Variants in CHMP7 observed in about 807,000 individuals in gnomAD.
CHMP7 encodes CHMP family, member 7.
A neutral mutation model predicts 53.7 loss-of-function variants in CHMP7; 15 were observed. The observed-to-expected ratio is 0.28, with a 90% CI of 0.19 to 0.43. The LOEUF (loss-of-function observed/expected upper bound fraction) is 0.43, where lower values mean the gene tolerates loss of function less well. CHMP7 is among the 20% of genes least tolerant of loss of function. CHMP7 has a pLI of 1.00. For synonymous variants in CHMP7, 261 were observed against 228.0 expected, an observed-to-expected ratio of 1.14 and a Z score of -1.30; for missense variants, 527 against 569.4, an observed-to-expected ratio of 0.93 and a Z score of 0.76.
In CHMP7 at chr8:23,260,190, G is replaced by C; in HGVS notation, c.1167G>C (p.Gln389His). 1.2e-6 allele frequency: 2 copies of C among 1,614,144 alleles called. No homozygotes were observed. Among genetic ancestry groups the C allele is most frequent in the Non-Finnish European group, 1.7e-6 (2 of 1,180,018 alleles). The part of the protein sequence containing the change: ...ELEKELDILL[Q>H]DTTKEPLDLP... Reference sequence around the variant, plus strand: ...AGAAGGAATTGGACATCCTCCTTCAGGATACCACCAAAGAACCTTTGGATC... The same window carrying C: ...AGAAGGAATTGGACATCCTCCTTCACGATACCACCAAAGAACCTTTGGATC... The change falls in exon 10 of 11, where the codon CAG (glutamine) becomes CAC (histidine). Residue 389 changes from glutamine to histidine, a missense_variant. Gln to His is a conservative substitution (Grantham distance 24). Coordinates refer to ENST00000397677, the MANE Select transcript of CHMP7 (RefSeq NM_152272.5).
intron 3 of CHMP7, among the ~76,000 whole-genome samples, chr8:23,251,905 C>T (rs555967934): frequency 9.2e-5 from 14 of 152,110 alleles, no homozygotes; most frequent in African/African-American, 2.9e-4. Context: ...ATTGATTTTT[C>T]GGAAATGCAT....
chr8:23,250,851 C>T (rs1255015907), intron 3 of CHMP7, among the ~76,000 whole-genome samples: 1 of 152,162 alleles, frequency 6.6e-6, no homozygotes, highest in Non-Finnish European at 1.5e-5. Context: ...GACTCCAGCC[C>T]ACTCTGCCTC....
intron 1 of CHMP7, 138 bp from the exon 2 acceptor site, chr8:23,246,118 A>G (rs1302767841): frequency 6.7e-6 from 1 of 150,270 alleles, no homozygotes; most frequent in Non-Finnish European, 1.5e-5. Context: ...TGCTCTTTTT[A>G]TTATTTTTTC....
At position 23,258,020 on chromosome 8, in the gene CHMP7, C is replaced by A; in HGVS notation, c.792-13C>A. ...CTGTGGCACAGTAATCTTATCTGTCCCTTTGTTTCCAGGTGTAAAGAAGAA... is the reference window on the plus strand; with the variant it reads ...CTGTGGCACAGTAATCTTATCTGTCACTTTGTTTCCAGGTGTAAAGAAGAA... On this transcript the variant is annotated splice_polypyrimidine_tract_variant and intron_variant, in intron 5 of 10. Transcript: ENST00000397677. 6.2e-7 allele frequency: 1 copy of A among 1,605,382 alleles called. No homozygotes were observed. Among genetic ancestry groups the A allele is most frequent in the Non-Finnish European group, 8.5e-7 (1 of 1,172,890 alleles).
Position 23,258,035 on chromosome 8 carries a change from G to A in CHMP7, c.794G>A (p.Cys265Tyr), listed in dbSNP as rs770597285. 2.5e-6 allele frequency: 4 copies of A among 1,611,720 alleles called. No individual in the cohort carries two copies. The highest frequency in any genetic ancestry group is 2.7e-5 in the African/African-American group (2 of 74,864). ...CTTATCTGTCCCTTTGTTTCCAGGT[G>A]TAAAGAAGAAGCCCGCCGGGCATGC... ...VESLSQEAER[C>Y]KEEARRACRA... Residue 265 changes from cysteine to tyrosine, a missense_variant and splice_region_variant, in exon 6 of 11, where the codon TGT (cysteine) becomes TAT (tyrosine). Physicochemically the swap from Cys to Tyr is radical, Grantham distance 194. Transcript: ENST00000397677.
intron 7 of CHMP7, 136 bp from the exon 8 acceptor site, chr8:23,258,596 C>A: frequency 8.0e-7 from 1 of 1,247,458 alleles, no homozygotes; most frequent in Non-Finnish European, 1.2e-6. Context: ...GGAGGTTTGG[C>A]CTCGGTGGGT....
intron 3 of CHMP7, among the ~76,000 whole-genome samples, chr8:23,252,918 A>G (rs1381998394): frequency 1.3e-5 from 2 of 152,198 alleles, no homozygotes; most frequent in Non-Finnish European, 2.9e-5. Flanking sequence ...CATATCTGGT[A>G]GGGCAGTCAA....
intron 9 of CHMP7, 47 bp from the exon 10 acceptor site, chr8:23,260,097 A>G: frequency 6.5e-7 from 1 of 1,533,956 alleles, no homozygotes. Flanking sequence ...TCATTAATGC[A>G]TTTCTCCCTT....
intron 8 of CHMP7, 95 bp from the exon 9 acceptor site, chr8:23,258,971 C>T: frequency 9.5e-7 from 1 of 1,055,840 alleles, no homozygotes; most frequent in South Asian, 1.3e-5. Flanking sequence ...TCACTTGGGG[C>T]AGGATTGCTT....
At chr8:23,244,845 A>G (rs1801630079) in intron 1 of CHMP7, among the ~76,000 whole-genome samples, 1 of 152,202 alleles carries the variant, frequency 6.6e-6, no homozygotes, top group South Asian at 2.1e-4. Flanking sequence ...CTTATGTAGA[A>G]TTTGTACATA....
At chr8:23,254,541 C>T (rs186640649) in intron 3 of CHMP7, among the ~76,000 whole-genome samples, 11 of 150,574 alleles carry the variant, frequency 7.3e-5, no homozygotes, top group African/African-American at 2.4e-4. Context: ...ATTACAGGTG[C>T]CCGCCATCAC....
intron 3 of CHMP7, 164 bp from the exon 4 acceptor site, chr8:23,255,081 AAC>A: frequency 2.9e-6 from 2 of 678,476 alleles, no homozygotes; most frequent in Non-Finnish European, 5.0e-6. Flanking sequence ...AAGGCTTAAA[AAC>A]ACAGATCCTT....
At position 23,261,435 on chromosome 8, in the gene CHMP7, A is replaced by T. The variant is rs774404592; in HGVS notation, c.*836A>T. 6.5e-6 allele frequency: 1 copy of T among 152,738 alleles called. No homozygotes were observed. Among genetic ancestry groups the T allele is most frequent in the African/African-American group, 2.4e-5 (1 of 41,448 alleles). The allele number at this position is 152,738 out of a possible 1,614,324, so 9.5% of individuals were successfully genotyped here. On this transcript the variant is annotated 3_prime_UTR_variant, in exon 11 of 11. Transcript: ENST00000397677. ...ATCATGGAGTAACTTAAAAATACAT[A>T]TCTATCTTCCAGAACAAGCCACACA...
At chr8:23,253,951 GA>G (rs1563407133) in intron 3 of CHMP7, among the ~76,000 whole-genome samples, 1 of 152,074 alleles carries the variant, frequency 6.6e-6, no homozygotes, top group Non-Finnish European at 1.5e-5. Context: ...TTCCTTCAGT[GA>G]CCACCCACCA....
At chr8:23,247,023 G>A (rs1801726189) in intron 2 of CHMP7, 29 bp downstream of exon 2, 2 of 1,475,950 alleles carry the variant, frequency 1.4e-6, no homozygotes, top group African/African-American at 2.8e-5. Flanking sequence ...CCAGGGCCGC[G>A]AGGGCGGGCG....
At position 23,247,977 on chromosome 8, in the gene CHMP7, T is replaced by C. The variant is rs183995162; in HGVS notation, c.299+983T>C. 1.1e-3 allele frequency: 481 copies of C among 431,906 alleles called. 1 individual carries two copies. The highest frequency in any genetic ancestry group is 8.0e-3 in the Admixed American group (333 of 41,650). 26.8% of individuals were successfully genotyped at this position (431,906 alleles called of 1,614,324 possible). Reference sequence around the variant, plus strand: ...ATTAAGAGATCTCCCTTCTCTACTTTTGTTCCCAGTACCTTCCCATTGGAC... The same window carrying C: ...ATTAAGAGATCTCCCTTCTCTACTTCTGTTCCCAGTACCTTCCCATTGGAC... On this transcript the variant is annotated intron_variant, in intron 2 of 10. Coordinates refer to ENST00000397677, the MANE Select transcript of CHMP7 (RefSeq NM_152272.5).
At chr8:23,255,213 C>T (rs1254592144) in intron 3 of CHMP7, 34 bp from the exon 4 acceptor site, 1 of 1,609,896 alleles carries the variant, frequency 6.2e-7, no homozygotes, top group Non-Finnish European at 8.5e-7. Context: ...TGGCAGTGGC[C>T]AGGGCCTGTC....
chr8:23,245,472 C>T (rs1230464471), intron 1 of CHMP7, among the ~76,000 whole-genome samples: 1 of 152,196 alleles, frequency 6.6e-6, no homozygotes, highest in Admixed American at 6.5e-5. Flanking sequence ...GTAATAAATT[C>T]CGCTTTAACC....
intron 1 of CHMP7, among the ~76,000 whole-genome samples, chr8:23,244,159 G>A (rs1036263966): frequency 9.9e-5 from 15 of 151,758 alleles, no homozygotes; most frequent in Admixed American, 4.6e-4. Context: ...TAATAATTAC[G>A]TCTAATTTAT....
Sources: gnomAD v4.1 joint callset for allele counts (sites outside exome capture counted in the v4.1 genomes callset) on GRCh38, gnomAD v4.1.1 for gene constraint, MANE v1.5 for transcripts, NCBI Gene and HGNC (gene_info 2026-07-23, HGNC 2026-07-21) for gene names.